The following MCTP2 variants were observed in gnomAD, a reference collection of about 807,000 sequenced individuals.
MCTP2 encodes multiple C2 and transmembrane domain-containing protein 2.
In MCTP2, 132 loss-of-function variants were observed where a neutral mutation model predicts 111.6. The observed-to-expected ratio is 1.18, with a 90% CI of 1.03 to 1.37. The LOEUF is 1.37. Among genes scored for constraint, MCTP2 ranks in the 40% most tolerant of loss-of-function variants. The probability of loss-of-function intolerance (pLI) is 0.00; values close to 1 mark genes in which losing one functional copy is unlikely to be tolerated. For missense variants in MCTP2, 1,183 were observed against 1,067.9 expected, an observed-to-expected ratio of 1.11 and a Z score of -1.50; for synonymous variants, 395 against 387.7, an observed-to-expected ratio of 1.02 and a Z score of -0.22.
Position 94,356,261 on chromosome 15 carries a change from T to C in MCTP2, c.1130T>C (p.Phe377Ser). 1 of 1,612,068 alleles carries C rather than the reference T, an allele frequency of 6.2e-7. No homozygotes were observed. The highest frequency in any genetic ancestry group is 8.5e-7 in the Non-Finnish European group (1 of 1,179,014). ...NVSGGSMTEMFVQLKLGDQRY... is the reference protein window; with the variant it reads ...NVSGGSMTEMSVQLKLGDQRY... ...TCAGGAGGAAGCATGACAGAGATGT[T>C]TGTCCAGTTAAAACTGGGAGATCAG... The change falls in exon 9 of 23, where the codon TTT becomes TCT. Residue 377 changes from phenylalanine to serine, a missense_variant. Physicochemically the swap from Phe to Ser is radical, Grantham distance 155. Coordinates refer to ENST00000357742, the MANE Select transcript of MCTP2 (RefSeq NM_001385001.1).
intron 17 of MCTP2, among the ~76,000 whole-genome samples, chr15:94,421,548 C>G (rs2082630174): frequency 6.6e-6 from 1 of 152,146 alleles, no homozygotes; most frequent in Non-Finnish European, 1.5e-5. Context: ...CTTTGCTTTT[C>G]AACTTCTGAA....
chr15:94,278,967 T>C (rs2074347460), intron 1 of MCTP2, among the ~76,000 whole-genome samples: 1 of 152,182 alleles, frequency 6.6e-6, no homozygotes, highest in African/African-American at 2.4e-5. Flanking sequence ...ACCTGTTCCA[T>C]TGGTCTGTGT....
At chr15:94,366,812 C>T (rs1202446432) in intron 10 of MCTP2, among the ~76,000 whole-genome samples, 1 of 152,164 alleles carries the variant, frequency 6.6e-6, no homozygotes, top group African/African-American at 2.4e-5. Context: ...CAGGCAAACC[C>T]AGAGTTGTCA....
Position 94,340,181 on chromosome 15 carries a change from CCT to C in MCTP2, c.781-15_781-14del, listed in dbSNP as rs749538584. On this transcript the variant is annotated splice_polypyrimidine_tract_variant and intron_variant, in intron 5 of 22. Transcript: ENST00000357742. Reference sequence around the variant, plus strand: ...TTTACCATAATAATGTGTTAATTGACCTCTGTCCTCTTTGTAGGTATATGATC... The same window carrying C: ...TTTACCATAATAATGTGTTAATTGACCTGTCCTCTTTGTAGGTATATGATC... 1 of 1,573,262 alleles carries C rather than the reference CCT, an allele frequency of 6.4e-7. No individual in the cohort carries two copies. Among genetic ancestry groups the C allele is most frequent in the South Asian group, 1.1e-5 (1 of 89,682 alleles).
intron 17 of MCTP2, among the ~76,000 whole-genome samples, chr15:94,409,690 T>G (rs1567649997): frequency 1.3e-5 from 2 of 151,888 alleles, no homozygotes; most frequent in Non-Finnish European, 2.9e-5. Flanking sequence ...GGCTTGCTCC[T>G]TCTCCCGATC....
At chr15:94,332,758 G>A (rs1307677680) in intron 4 of MCTP2, among the ~76,000 whole-genome samples, 1 of 152,174 alleles carries the variant, frequency 6.6e-6, no homozygotes, top group Non-Finnish European at 1.5e-5. Flanking sequence ...TGGCAAACCT[G>A]CTTTGCTGAT....
intron 4 of MCTP2, among the ~76,000 whole-genome samples, chr15:94,333,437 G>T (rs1165918033): frequency 6.6e-6 from 1 of 150,688 alleles, no homozygotes; most frequent in Non-Finnish European, 1.5e-5. Flanking sequence ...ATTGCCATGA[G>T]TTATATCAAA....
intron 1 of MCTP2, among the ~76,000 whole-genome samples, chr15:94,251,102 C>G (rs1247068861): frequency 2.0e-5 from 3 of 152,184 alleles, no homozygotes; most frequent in African/African-American, 2.4e-5. Context: ...GAGAGCATCT[C>G]TTGAAAGATC....
At chr15:94,317,204 C>G (rs2076414801) in intron 4 of MCTP2, among the ~76,000 whole-genome samples, 1 of 152,168 alleles carries the variant, frequency 6.6e-6, no homozygotes, top group African/African-American at 2.4e-5. Flanking sequence ...TATTGACTGT[C>G]TCCCATTTAG....
At position 94,470,407 on chromosome 15, in the gene MCTP2, A is replaced by G. The variant is rs763163158; in HGVS notation, c.2435A>G (p.Tyr812Cys). ...CTGGCAGCAGCCACCATCATTTTGTATTTCATTCCACTGCGGTACATCATT... is the reference window on the plus strand; with the variant it reads ...CTGGCAGCAGCCACCATCATTTTGTGTTTCATTCCACTGCGGTACATCATT... ...LILAAATIIL[Y>C]FIPLRYIILI... The change falls in exon 21 of 23, where the codon TAT becomes TGT. Residue 812 changes from tyrosine to cysteine, a missense_variant. Tyr to Cys is a radical substitution (Grantham distance 194, BLOSUM62 -2). Coordinates refer to ENST00000357742, the MANE Select transcript of MCTP2 (RefSeq NM_001385001.1). 14 of 1,613,548 alleles carry G rather than the reference A, an allele frequency of 8.7e-6. No homozygotes were observed. In the Admixed American group the frequency reaches 2.3e-4, roughly 27 times the overall value.
At chr15:94,245,460 T>A (rs1202541520) in intron 1 of MCTP2, among the ~76,000 whole-genome samples, 2 of 139,272 alleles carry the variant, frequency 1.4e-5, no homozygotes, top group Admixed American at 1.5e-4. Context: ...GTATATGTAT[T>A]TATATACATA....
At position 94,356,225 on chromosome 15, in the gene MCTP2, G is replaced by A. The variant is rs1383788006; in HGVS notation, c.1094G>A (p.Gly365Glu). 3 of 1,613,438 alleles carry A rather than the reference G, an allele frequency of 1.9e-6. No individual in the cohort carries two copies. Among genetic ancestry groups the A allele is most frequent in the Non-Finnish European group, 2.5e-6 (3 of 1,179,672 alleles). Residue 365 changes from glycine to glutamate, a missense_variant, in exon 9 of 23, where the codon GGG becomes GAG. Physicochemically the swap from Gly to Glu is moderately conservative, Grantham distance 98. Transcript: ENST00000357742. Reference sequence around the variant, plus strand: ...ATTATAAGTATAACTTTGTTGGAAGGGAAGAATGTCTCAGGAGGAAGCATG... The same window carrying A: ...ATTATAAGTATAACTTTGTTGGAAGAGAAGAATGTCTCAGGAGGAAGCATG... ...NGIISITLLE[G>E]KNVSGGSMTE...
At chr15:94,255,327 A>T (rs7402902) in intron 1 of MCTP2, among the ~76,000 whole-genome samples, 145,662 of 152,252 alleles carry the variant, frequency 0.96, 69,725 homozygotes, top group East Asian at 1. Context: ...ATAATGTAGA[A>T]TGGAAGATCT....
chr15:94,301,263 G>A (rs1237204731), intron 2 of MCTP2, among the ~76,000 whole-genome samples: 1 of 152,088 alleles, frequency 6.6e-6, no homozygotes, highest in Non-Finnish European at 1.5e-5. Context: ...ACGGAGGGAC[G>A]GGAGTGCGGC....
chr15:94,253,264 A>G (rs8042367), intron 1 of MCTP2, among the ~76,000 whole-genome samples: 77,532 of 151,898 alleles, frequency 0.51, 20,013 homozygotes, highest in Middle Eastern at 0.61. Flanking sequence ...ATATCCAGTT[A>G]GACTATATAG....
chr15:94,250,132 G>A (rs370775786), intron 1 of MCTP2, among the ~76,000 whole-genome samples: 2 of 151,868 alleles, frequency 1.3e-5, no homozygotes, highest in East Asian at 3.9e-4. Context: ...TGTAGTTTGT[G>A]TTTTTCACTT....
chr15:94,294,209 G>T (rs1325990116), intron 1 of MCTP2, among the ~76,000 whole-genome samples: 1 of 152,214 alleles, frequency 6.6e-6, no homozygotes, highest in Non-Finnish European at 1.5e-5. Flanking sequence ...GAGGAAGGAA[G>T]TGGGGGCCTG....
At chr15:94,456,767 A>G (rs1209233813) in intron 19 of MCTP2, among the ~76,000 whole-genome samples, 1 of 152,244 alleles carries the variant, frequency 6.6e-6, no homozygotes, top group Non-Finnish European at 1.5e-5. Flanking sequence ...TAATTTATTC[A>G]AGCCATTGCA....
At chr15:94,315,449 C>A in intron 3 of MCTP2, 80 bp from the exon 4 acceptor site, 1 of 1,034,020 alleles carries the variant, frequency 9.7e-7, no homozygotes, top group Non-Finnish European at 1.5e-6. Flanking sequence ...TTTTTTCCCT[C>A]CAAAATCGAG....
Sources: gnomAD v4.1 joint callset for allele counts (sites outside exome capture counted in the v4.1 genomes callset) on GRCh38, gnomAD v4.1.1 for gene constraint, MANE v1.5 for transcripts, NCBI Gene and HGNC (gene_info 2026-07-23, HGNC 2026-07-21) for gene names.